The following LPP variants were observed in gnomAD, a reference collection of about 807,000 sequenced individuals.
LPP encodes the protein LIM domain containing preferred translocation partner in lipoma.
Under a neutral mutation model 60.4 loss-of-function variants are expected in LPP, and 38 were observed. The observed-to-expected ratio is 0.63, with a 90% CI of 0.49 to 0.83. The LOEUF is 0.83. Among genes scored for constraint, LPP ranks in the 40% least tolerant of loss-of-function variants. The pLI is 0.00. For synonymous variants in LPP, 328 were observed against 290.8 expected (o/e 1.13, Z -1.30); for missense variants, 902 against 783.6 (o/e 1.15, Z -1.80).
Position 188,609,607 on chromosome 3 carries a change from C to G in LPP, c.876C>G (p.Asn292Lys). 1.9e-6 allele frequency: 3 copies of G among 1,614,180 alleles called. No individual in the cohort carries two copies. Among genetic ancestry groups the G allele is most frequent in the Non-Finnish European group, 2.5e-6 (3 of 1,180,036 alleles). Residue 292 changes from asparagine (N) to lysine (K), a missense_variant, in exon 7 of 12, where the codon AAC becomes AAG. Physicochemically the swap from Asn to Lys is moderately conservative, Grantham distance 94. Coordinates refer to ENST00000617246, the MANE Select transcript of LPP (RefSeq NM_001375462.1). This position sits in a 1 kb window ranked among gnomAD's most constrained non-coding sequence, Gnocchi z 6.9. ...QPEPGYGYAP[N>K]QGRYYEGYYA... ...AGCCTGGGTATGGGTATGCCCCCAA[C>G]CAGGGACGCTATTATGAAGGCTACT...
At chr3:188,491,028 G>A (rs899980833) in intron 5 of LPP, among the ~76,000 whole-genome samples, 19 of 152,006 alleles carry the variant, frequency 1.2e-4, no homozygotes, top group African/African-American at 3.9e-4. Flanking sequence ...CCCAAGTGCT[G>A]GGATTACAGG....
chr3:188,717,110 T>C (rs1159798826), intron 8 of LPP, among the ~76,000 whole-genome samples: 1 of 152,234 alleles, frequency 6.6e-6, no homozygotes, highest in African/African-American at 2.4e-5. Context: ...CCCAGGGCTC[T>C]CCACTACCCT....
intron 3 of LPP, among the ~76,000 whole-genome samples, chr3:188,393,068 T>C (rs1780081361): frequency 1.3e-5 from 2 of 151,840 alleles, no homozygotes; most frequent in Admixed American, 1.3e-4. Context: ...TCAGGCAACA[T>C]ATTGTCCTTC....
chr3:188,476,816 C>T (rs957743223), intron 4 of LPP, among the ~76,000 whole-genome samples: 1 of 152,078 alleles, frequency 6.6e-6, no homozygotes, highest in African/African-American at 2.4e-5. Flanking sequence ...TAATGTTCCT[C>T]GGTCAAGGTC....
In LPP at chr3:188,762,477, C is replaced by A. The variant is rs190443365; in HGVS notation, c.1410+2195C>A. On this transcript the variant is annotated intron_variant, in intron 9 of 11. Coordinates refer to ENST00000617246, the MANE Select transcript of LPP (RefSeq NM_001375462.1). ...CTGGGCTTTAGGAAATTATTATAAC[C>A]TTTCAGACATACTCCTCGCATTTTT... 5.3e-4 allele frequency among the ~76,000 whole-genome samples: 80 copies of A among 152,250 alleles called. 1 individual carries two copies. In the East Asian group the frequency reaches 0.012, roughly 22 times the overall value.
chr3:188,417,356 A>G (rs1278245764), intron 4 of LPP, among the ~76,000 whole-genome samples: 1 of 152,008 alleles, frequency 6.6e-6, no homozygotes. Context: ...ACGAGGACAC[A>G]TCTGATCTGA....
At chr3:188,244,403 C>G (rs1577513728) in intron 2 of LPP, among the ~76,000 whole-genome samples, 2 of 152,162 alleles carry the variant, frequency 1.3e-5, no homozygotes, top group Admixed American at 1.3e-4. Flanking sequence ...AGGCACCAGT[C>G]TAGTGGTCCA....
intron 5 of LPP, among the ~76,000 whole-genome samples, chr3:188,509,654 C>CTTCG (rs1814653546): frequency 3.0e-5 from 1 of 33,490 alleles, no homozygotes; most frequent in Non-Finnish European, 6.9e-5. Context: ...TCCTTCCTTC[C>CTTCG]TTCCTTCCTT....
chr3:188,523,680 A>G (rs887297193), intron 5 of LPP, among the ~76,000 whole-genome samples: 10 of 152,178 alleles, frequency 6.6e-5, no homozygotes, highest in Non-Finnish European at 1.0e-4. Context: ...TACTCTCTTG[A>G]TATTTTACGT....
chr3:188,441,026 A>ATGTGTG (rs10671285), intron 4 of LPP, among the ~76,000 whole-genome samples: 26 of 146,454 alleles, frequency 1.8e-4, no homozygotes, highest in Admixed American at 6.8e-4. Flanking sequence ...CTCCCTTAAT[A>ATGTGTG]TGTGTGTGTG....
chr3:188,550,925 A>C (rs918903906), intron 6 of LPP, among the ~76,000 whole-genome samples: 1 of 152,178 alleles, frequency 6.6e-6, no homozygotes, highest in African/African-American at 2.4e-5. Flanking sequence ...TTTGGCAAAG[A>C]GTCTCCTTAT....
At chr3:188,243,435 C>A (rs73059636) in intron 2 of LPP, among the ~76,000 whole-genome samples, 1 of 152,254 alleles carries the variant, frequency 6.6e-6, no homozygotes, top group South Asian at 2.1e-4. Flanking sequence ...AAGTAGAGAA[C>A]AAACCTCCGG....
chr3:188,581,931 A>C (rs1016468575), intron 6 of LPP, among the ~76,000 whole-genome samples: 2 of 151,500 alleles, frequency 1.3e-5, no homozygotes, highest in South Asian at 4.2e-4. Flanking sequence ...GACTCTTCCA[A>C]CACATGACCT....
At chr3:188,795,135 AAAACAAAACAAAAACAAAAAC>A (rs1234359397) in intron 9 of LPP, among the ~76,000 whole-genome samples, 9 of 152,224 alleles carry the variant, frequency 5.9e-5, no homozygotes, top group African/African-American at 2.2e-4. Context: ...CTCCGTCTCA[AAAACAAAACAAAAACAAAAAC>A]AAAAGAAGTA....
chr3:188,744,353 C>T (rs920656520), intron 8 of LPP, among the ~76,000 whole-genome samples: 62 of 152,250 alleles, frequency 4.1e-4, no homozygotes, highest in African/African-American at 1.4e-3. Flanking sequence ...ATTTTCTCCA[C>T]ATCCAATGTG....
At chr3:188,318,212 T>C (rs1384610213) in intron 2 of LPP, among the ~76,000 whole-genome samples, 1 of 152,176 alleles carries the variant, frequency 6.6e-6, no homozygotes, top group African/African-American at 2.4e-5. Context: ...TTCTGGGCCT[T>C]GCTTTTTAAT....
intron 7 of LPP, among the ~76,000 whole-genome samples, chr3:188,613,737 T>A (rs1844314122): frequency 6.6e-6 from 1 of 151,946 alleles, no homozygotes; most frequent in Non-Finnish European, 1.5e-5. Context: ...GGATTTCGAG[T>A]TTGGGGCATA....
chr3:188,853,689 A>G (rs536925079), intron 9 of LPP, among the ~76,000 whole-genome samples: 20 of 152,324 alleles, frequency 1.3e-4, no homozygotes, highest in African/African-American at 4.8e-4. Flanking sequence ...GCACAGGCAT[A>G]TAAACTGATC....
In LPP at chr3:188,398,045, A is replaced by G. The variant is rs1578600631; in HGVS notation, c.-9-8067A>G. Reference sequence around the variant, plus strand: ...CTTGTCACCTGCAGCATTGCCAAGAACAAGGAGTGCACCATTAGTGTTAAT... The same window carrying G: ...CTTGTCACCTGCAGCATTGCCAAGAGCAAGGAGTGCACCATTAGTGTTAAT... On this transcript the variant is annotated intron_variant, in intron 3 of 11. Coordinates refer to ENST00000617246, the MANE Select transcript of LPP (RefSeq NM_001375462.1). 2.0e-5 allele frequency among the ~76,000 whole-genome samples: 3 copies of G among 152,328 alleles called. 1 individual carries two copies. The Middle Eastern group carries it at 0.01, about 518-fold the overall frequency.
Sources: gnomAD v4.1 joint callset for allele counts (sites outside exome capture counted in the v4.1 genomes callset) on GRCh38, gnomAD v4.1.1 for gene constraint, Gnocchi (gnomAD v3.1) non-coding constraint, MANE v1.5 for transcripts, NCBI Gene and HGNC (gene_info 2026-07-23, HGNC 2026-07-21) for gene names.